ZC4H2: variants seen among roughly 807,000 people sequenced by gnomAD.
ZC4H2 encodes the protein zinc finger C4H2-type containing, also known as zinc finger C4H2 domain-containing protein.
For synonymous variants in ZC4H2, 84 were observed against 66.3 expected (o/e 1.27, Z -1.30); for missense variants, 137 against 173.9 (o/e 0.79, Z 1.19).
chrX:64,951,703 C>T (rs1416223633), intron 1 of ZC4H2, among the ~76,000 whole-genome samples: 1 of 110,681 alleles, frequency 9.0e-6, no homozygotes, highest in East Asian at 2.8e-4. Flanking sequence ...GATATTAGCC[C>T]TTTGTCAGAT....
rs1234309060 is a variant in ZC4H2 at position 65,004,385 on chromosome X, A to G, written c.-272+30244T>C. On this transcript the variant is annotated intron_variant, in intron 1 of 4. Transcript: ENST00000337990. ...GCACATCAAAAAGCTTATCCACCAC[A>G]ATCAAGTTAACTTCATCCCTGGGAT... Among the ~76,000 whole-genome samples the G allele has an allele frequency of 2.7e-5, 3 of 112,065 alleles. No individual in the cohort carries two copies. The South Asian group carries it at 1.1e-3, about 42-fold the overall frequency.
chrX:64,933,392 G>C (rs912704576), intron 1 of ZC4H2, among the ~76,000 whole-genome samples: 2 of 111,357 alleles, frequency 1.8e-5, no homozygotes, highest in Admixed American at 1.9e-4. Context: ...CCAATGCTGG[G>C]GAGCTAGTAG....
At chrX:64,926,125 T>C (rs1929412348) in intron 1 of ZC4H2, among the ~76,000 whole-genome samples, 1 of 111,980 alleles carries the variant, frequency 8.9e-6, no homozygotes, top group Non-Finnish European at 1.9e-5. Flanking sequence ...ACTGCAGGCT[T>C]TGATGGTGCC....
intron 1 of ZC4H2, among the ~76,000 whole-genome samples, chrX:64,983,970 T>C (rs764314185): frequency 4.6e-4 from 51 of 111,669 alleles, no homozygotes; most frequent in African/African-American, 1.7e-3. Flanking sequence ...GGGGTACATG[T>C]GCTTGTTTGT....
intron 1 of ZC4H2, among the ~76,000 whole-genome samples, chrX:64,999,038 T>TG (rs1932475172): frequency 1.4e-5 from 1 of 71,312 alleles, no homozygotes; most frequent in Admixed American, 1.7e-4. Context: ...TTGGATTATG[T>TG]GTTTTTTTTT....
At chrX:65,000,213 G>T (rs1000592739) in intron 1 of ZC4H2, among the ~76,000 whole-genome samples, 1 of 111,682 alleles carries the variant, frequency 9.0e-6, no homozygotes, top group Non-Finnish European at 1.9e-5. Context: ...CATCTGGTGG[G>T]TGCCCCTCTA....
intron 1 of ZC4H2, among the ~76,000 whole-genome samples, chrX:64,940,747 G>C (rs1395946782): frequency 9.2e-6 from 1 of 108,804 alleles, no homozygotes; most frequent in Non-Finnish European, 1.9e-5. Context: ...GTTCTGTTCC[G>C]TTGGTCTATA....
At chrX:65,003,487 T>A (rs941058088) in intron 1 of ZC4H2, among the ~76,000 whole-genome samples, 19 of 111,534 alleles carry the variant, frequency 1.7e-4, no homozygotes, top group South Asian at 3.7e-4. Context: ...AATCAATGAA[T>A]GAAGAAGCTC....
chrX:65,020,121 T>G (rs1932825955), intron 1 of ZC4H2, among the ~76,000 whole-genome samples: 2 of 111,995 alleles, frequency 1.8e-5, no homozygotes, highest in African/African-American at 6.5e-5. Context: ...CTGCAGGATA[T>G]TATCCAGGAG....
At chrX:65,000,824 T>C (rs1472236448) in intron 1 of ZC4H2, among the ~76,000 whole-genome samples, 1 of 111,385 alleles carries the variant, frequency 9.0e-6, no homozygotes, top group East Asian at 2.8e-4. Context: ...ATCAGCAGAA[T>C]AAAGTATATC....
chrX:64,933,853 A>T (rs191303846), intron 1 of ZC4H2, among the ~76,000 whole-genome samples: 122 of 111,946 alleles, frequency 1.1e-3, no homozygotes, highest in African/African-American at 3.8e-3. Context: ...AAGAGGAAAC[A>T]TATTCCTGTA....
chrX:64,995,137 A>G (rs901652492), intron 1 of ZC4H2, among the ~76,000 whole-genome samples: 3 of 108,235 alleles, frequency 2.8e-5, no homozygotes, highest in Admixed American at 9.9e-5. Context: ...AGGATTTTCT[A>G]GGTAATATCA....
Position 64,917,141 on chromosome X carries a change from T to A in ZC4H2, c.*642A>T, listed in dbSNP as rs1928970079. On this transcript the variant is annotated 3_prime_UTR_variant, in exon 5 of 5. Transcript: ENST00000374839. The stretch of plus-strand genomic sequence containing the variant: ...GGGGAAAGGTTCATTGATCTTAAGA[T>A]CCCAAGACACACAGCCTAGTACCTA... 1 of 111,716 alleles carries A rather than the reference T, an allele frequency of 9.0e-6. No individual in the cohort carries two copies. Among genetic ancestry groups the A allele is most frequent in the South Asian group, 3.8e-4 (1 of 2,637 alleles). The allele number at this position is 111,716 out of a possible 1,213,427, so 9.2% of individuals were successfully genotyped here.
intron 1 of ZC4H2, among the ~76,000 whole-genome samples, chrX:65,011,328 C>A (rs964165881): frequency 8.1e-5 from 9 of 111,571 alleles, no homozygotes; most frequent in Non-Finnish European, 1.3e-4. Flanking sequence ...AGCCCATATT[C>A]TTTCCACTGT....
chrX:64,942,881 T>A (rs1930355087), intron 1 of ZC4H2, among the ~76,000 whole-genome samples: 1 of 111,851 alleles, frequency 8.9e-6, no homozygotes, highest in South Asian at 3.7e-4. Context: ...GTATTTCTAA[T>A]TAGATCCTTG....
chrX:64,958,279 G>A (rs1208071346), intron 1 of ZC4H2, among the ~76,000 whole-genome samples: 1 of 111,768 alleles, frequency 8.9e-6, no homozygotes, highest in Non-Finnish European at 1.9e-5. Flanking sequence ...ACGTCACTAG[G>A]TGATAGGAGT....
intron 1 of ZC4H2, among the ~76,000 whole-genome samples, chrX:64,953,292 A>T (rs1930962927): frequency 8.9e-6 from 1 of 112,272 alleles, no homozygotes; most frequent in Non-Finnish European, 1.9e-5. Flanking sequence ...CACCAAAAGC[A>T]ATGGCAACAA....
At chrX:64,925,727 C>T (rs1028446191) in intron 1 of ZC4H2, among the ~76,000 whole-genome samples, 21 of 112,242 alleles carry the variant, frequency 1.9e-4, no homozygotes, top group African/African-American at 5.8e-4. Flanking sequence ...TTTTTCACCT[C>T]ATGTGTCCAG....
intron 1 of ZC4H2, among the ~76,000 whole-genome samples, chrX:64,928,867 T>C (rs1312496129): frequency 9.8e-6 from 1 of 102,045 alleles, no homozygotes; most frequent in Non-Finnish European, 2.0e-5. Flanking sequence ...CTCCTTCTTC[T>C]CCTTCTTTTC....
Sources: allele counts gnomAD v4.1 joint callset (sites outside exome capture counted in the v4.1 genomes callset), GRCh38; gene constraint gnomAD v4.1.1; transcripts MANE v1.5; gene names NCBI Gene and HGNC (gene_info 2026-07-23, HGNC 2026-07-21).